Variants in UBE3A observed in about 807,000 individuals in gnomAD.
UBE3A encodes the protein ubiquitin-protein ligase E3A.
Under a neutral mutation model 83.4 loss-of-function variants are expected in UBE3A, and 6 were observed. The ratio of observed to expected loss-of-function variants is 0.07; its 90% CI spans 0.04 to 0.14. UBE3A has a LOEUF of 0.14. Among genes scored for constraint, UBE3A ranks in the 10% least tolerant of loss-of-function variants. The pLI is 1.00. For synonymous variants in UBE3A, 337 were observed against 355.4 expected, an observed-to-expected ratio of 0.95 and a Z score of 0.58; for missense variants, 456 against 1,036.1, an observed-to-expected ratio of 0.44 and a Z score of 7.69.
chr15:25,372,484 A>G (rs1359017090), intron 5 of UBE3A, among the ~76,000 whole-genome samples: 1 of 152,196 alleles, frequency 6.6e-6, no homozygotes, highest in Non-Finnish European at 1.5e-5. Context: ...TGAGCAATGA[A>G]AACAAACAGT....
intron 3 of UBE3A, chr15:25,405,718 T>C (rs977097123): frequency 5.2e-5 from 30 of 575,046 alleles, no homozygotes; most frequent in Non-Finnish European, 6.2e-6. Flanking sequence ...ACTCAATGCA[T>C]GTTTTTTAAA....
In UBE3A at chr15:25,365,564, C is replaced by A. The variant is rs967305979; in HGVS notation, c.1608+5002G>T. Among the ~76,000 whole-genome samples, 6 of 120,744 alleles carry A rather than the reference C, an allele frequency of 5.0e-5. No individual in the cohort carries two copies. In the East Asian group the frequency reaches 1.5e-3, roughly 30 times the overall value. 79.2% of individuals were successfully genotyped at this position (120,744 alleles called of 152,430 possible). On this transcript the variant is annotated intron_variant, in intron 6 of 12. Coordinates refer to ENST00000648336, the MANE Select transcript of UBE3A (RefSeq NM_130839.5). ...GAGATTGAGACCATCCTGGCTAACACGGTGAACCCCATCTCTACTAAAAAT... is the reference window on the plus strand; with the variant it reads ...GAGATTGAGACCATCCTGGCTAACAAGGTGAACCCCATCTCTACTAAAAAT...
intron 5 of UBE3A, chr15:25,374,548 C>T (rs918526315): frequency 6.6e-6 from 1 of 152,192 alleles, no homozygotes; most frequent in African/African-American, 2.4e-5. Flanking sequence ...TCTGAAGCAA[C>T]AAAGTTGTGT....
At position 25,356,870 on chromosome 15, in the gene UBE3A, T is replaced by G; in HGVS notation, c.1780A>C (p.Lys594Gln). ...IGMFTYDEST[K>Q]LFWFNPSSFE... Reference sequence around the variant, plus strand: ...GAAGATGGATTAAACCAAAACAATTTTGTAGATTCATCGTATGTGAACATA... The same window carrying G: ...GAAGATGGATTAAACCAAAACAATTGTGTAGATTCATCGTATGTGAACATA... The change falls in exon 8 of 13, where the codon AAA (lysine) becomes CAA (glutamine). Residue 594 changes from lysine (K) to glutamine (Q), a missense_variant. Coordinates refer to ENST00000648336, the MANE Select transcript of UBE3A (RefSeq NM_130839.5). The G allele has an allele frequency of 6.2e-7, 1 of 1,613,760 alleles. No individual in the cohort carries two copies.
intron 11 of UBE3A, among the ~76,000 whole-genome samples, chr15:25,353,287 T>C (rs777573282): frequency 3.3e-5 from 5 of 152,176 alleles, no homozygotes; most frequent in African/African-American, 7.2e-5. Context: ...AATTCCCACA[T>C]ACCACGACGA....
intron 4 of UBE3A, chr15:25,393,700 A>G (rs964552106): frequency 6.6e-6 from 1 of 152,236 alleles, no homozygotes; most frequent in African/African-American, 2.4e-5. Context: ...GAAACAGTTC[A>G]TCCATTCAAC....
chr15:25,390,766 A>T (rs2084161934), intron 4 of UBE3A, among the ~76,000 whole-genome samples: 3 of 152,144 alleles, frequency 2.0e-5, no homozygotes, highest in African/African-American at 7.2e-5. Context: ...TCCCTAATAT[A>T]AACTACGGAC....
chr15:25,436,795 A>G (rs1418531780), intron 1 of UBE3A, among the ~76,000 whole-genome samples: 3 of 152,304 alleles, frequency 2.0e-5, no homozygotes, highest in South Asian at 4.1e-4. Context: ...CAGATAAAAC[A>G]TAAGTAGCTT....
chr15:25,380,578 A>AG (rs1261502564), intron 4 of UBE3A, among the ~76,000 whole-genome samples: 1 of 152,180 alleles, frequency 6.6e-6, no homozygotes, highest in African/African-American at 2.4e-5. Context: ...AAAGGGAAAA[A>AG]GGGGAAAAGA....
chr15:25,357,205 T>A, intron 7 of UBE3A: 1 of 209,492 alleles, frequency 4.8e-6, no homozygotes, highest in Non-Finnish European at 9.7e-6. Flanking sequence ...TACTAACACA[T>A]AAGAAAAGTT....
At position 25,430,141 on chromosome 15, in the gene UBE3A, T is replaced by C. The variant is rs1234511297; in HGVS notation, c.-165+8348A>G. The stretch of plus-strand genomic sequence containing the variant: ...TATATATAAGATTATATATATATTA[T>C]ATATATAATACATATATATAAGATT... On this transcript the variant is annotated intron_variant, in intron 1 of 12. Coordinates refer to ENST00000648336, the MANE Select transcript of UBE3A (RefSeq NM_130839.5). 5.2e-5 allele frequency among the ~76,000 whole-genome samples: 3 copies of C among 57,156 alleles called. No homozygotes were observed. The South Asian group carries it at 1.5e-3, about 29-fold the overall frequency. 37.5% of individuals were successfully genotyped at this position (57,156 alleles called of 152,430 possible).
chr15:25,374,497 C>A (rs186019436), intron 5 of UBE3A: 1 of 152,346 alleles, frequency 6.6e-6, no homozygotes, highest in African/African-American at 2.4e-5. Flanking sequence ...TACCTATTTT[C>A]CCATAGTGTG....
At chr15:25,365,630 C>T (rs1333089534) in intron 6 of UBE3A, among the ~76,000 whole-genome samples, 1 of 151,832 alleles carries the variant, frequency 6.6e-6, no homozygotes, top group Non-Finnish European at 1.5e-5. Flanking sequence ...CGCCTGTAGT[C>T]CCAGCTACTC....
At chr15:25,393,845 A>G (rs1048082249) in intron 4 of UBE3A, 1 of 152,186 alleles carries the variant, frequency 6.6e-6, no homozygotes, top group African/African-American at 2.4e-5. Context: ...GATGCCTTTC[A>G]TGGGCTCCTG....
chr15:25,377,503 A>C (rs1198385055), intron 4 of UBE3A, among the ~76,000 whole-genome samples: 1 of 152,238 alleles, frequency 6.6e-6, no homozygotes, highest in Non-Finnish European at 1.5e-5. Flanking sequence ...AAGTGAAAAC[A>C]TGTAAAAATA....
At chr15:25,343,933 A>G (rs1216415012) in intron 11 of UBE3A, among the ~76,000 whole-genome samples, 2 of 152,242 alleles carry the variant, frequency 1.3e-5, no homozygotes, top group African/African-American at 4.8e-5. Flanking sequence ...ATTGGCAAAT[A>G]AGTAAACATC....
chr15:25,406,550 T>C (rs1043900628), intron 3 of UBE3A, among the ~76,000 whole-genome samples: 1 of 152,030 alleles, frequency 6.6e-6, no homozygotes, highest in African/African-American at 2.4e-5. Flanking sequence ...ACTTAGAAAT[T>C]CCCAAACTAG....
chr15:25,377,625 G>A (rs141108332), intron 4 of UBE3A, among the ~76,000 whole-genome samples: 2 of 152,306 alleles, frequency 1.3e-5, no homozygotes, highest in South Asian at 2.1e-4. Flanking sequence ...TGGTGAAAAT[G>A]TAAGTAGGTA....
At chr15:25,383,611 C>T (rs2082579774) in intron 4 of UBE3A, among the ~76,000 whole-genome samples, 1 of 152,108 alleles carries the variant, frequency 6.6e-6, no homozygotes, top group African/African-American at 2.4e-5. Context: ...TGCACTCCAG[C>T]CTGGGTGACA....
Sources: allele counts gnomAD v4.1 joint callset (sites outside exome capture counted in the v4.1 genomes callset), GRCh38; gene constraint gnomAD v4.1.1; transcripts MANE v1.5; gene names NCBI Gene and HGNC (gene_info 2026-07-23, HGNC 2026-07-21).